Variants in ALDH16A1 observed in about 807,000 individuals in gnomAD.
The protein encoded by ALDH16A1 is aldehyde dehydrogenase 16 family member A1, also known as aldehyde dehydrogenase family 16 member A1.
ALDH16A1 carries 88 observed loss-of-function variants against 96.1 expected under a neutral mutation model. The ratio of observed to expected loss-of-function variants is 0.92; its 90% CI spans 0.77 to 1.09. The LOEUF (loss-of-function observed/expected upper bound fraction) is 1.09, where lower values mean the gene tolerates loss of function less well. Among genes scored for constraint, ALDH16A1 ranks in the 50% least tolerant of loss-of-function variants. The pLI is 0.00. For synonymous variants in ALDH16A1, 522 were observed against 496.4 expected, an observed-to-expected ratio of 1.05 and a Z score of -0.69; for missense variants, 1,250 against 1,112.6, an observed-to-expected ratio of 1.12 and a Z score of -1.76.
At chr19:49,464,292 C>T (rs765074520) in intron 10 of ALDH16A1, 29 bp downstream of exon 10, 4 of 1,595,828 alleles carry the variant, frequency 2.5e-6, no homozygotes, top group Non-Finnish European at 3.4e-6. Flanking sequence ...GGCGCTCACT[C>T]CTCTCCTCAT....
intron 7 of ALDH16A1, among the ~76,000 whole-genome samples, 153 bp downstream of exon 7, chr19:49,462,189 G>C (rs949200876): frequency 6.6e-6 from 1 of 151,216 alleles, no homozygotes; most frequent in South Asian, 2.1e-4. Flanking sequence ...CTGGGGTGCA[G>C]CGGCGCGATT....
At position 49,470,372 on chromosome 19, in the gene ALDH16A1, C is replaced by G; in HGVS notation, c.2314C>G (p.Pro772Ala). Residue 772 changes from proline to alanine, a missense_variant, in exon 17 of 17, where the codon CCG becomes GCG. Pro to Ala is a conservative substitution (Grantham distance 27, BLOSUM62 -1). Coordinates refer to ENST00000293350, the MANE Select transcript of ALDH16A1 (RefSeq NM_153329.4). ...LKPVWASRGCPRAWDQEAEGA... is the reference protein window; with the variant it reads ...LKPVWASRGCARAWDQEAEGA... ...ACCGGTGTGGGCGAGCAGGGGCTGC[C>G]CGCGGGCCTGGGACCAGGAGGCCGA... 1 of 1,613,130 alleles carries G rather than the reference C, an allele frequency of 6.2e-7. No individual in the cohort carries two copies. The highest frequency in any genetic ancestry group is 8.5e-7 in the Non-Finnish European group (1 of 1,179,804).
chr19:49,453,512 G>C lies in ALDH16A1; in HGVS notation c.90+91G>C, dbSNP rs1303736874. On this transcript the variant is annotated intron_variant, in intron 1 of 16. Transcript: ENST00000293350. ...GGGAGTCCCGTCATCCACTGCGGTA[G>C]CTCAGCCGCTCCGCCTCTCTTAGTC... 3 of 1,197,998 alleles carry C rather than the reference G, an allele frequency of 2.5e-6. No individual in the cohort carries two copies. The East Asian group carries it at 7.8e-5, about 31-fold the overall frequency. The allele number at this position is 1,197,998 out of a possible 1,614,324, so 74.2% of individuals were successfully genotyped here.
At chr19:49,453,449 C>T (rs769986276) in intron 1 of ALDH16A1, 28 bp downstream of exon 1, 1 of 1,508,642 alleles carries the variant, frequency 6.6e-7, no homozygotes, top group Non-Finnish European at 8.9e-7. Context: ...CGGCGCTGCT[C>T]GCTGCGTTCC....
At position 49,470,500 on chromosome 19, in the gene ALDH16A1, C is replaced by G; in HGVS notation, c.*33C>G. ...GCGCCACCTACTGCATTTTGGACAC[C>G]TCACACCAAGGGGAGATGCACCCCA... On this transcript the variant is annotated 3_prime_UTR_variant, in exon 17 of 17. Transcript: ENST00000293350. The G allele has an allele frequency of 6.7e-7, 1 of 1,492,808 alleles. No homozygotes were observed. Among genetic ancestry groups the G allele is most frequent in the Non-Finnish European group, 8.9e-7 (1 of 1,122,714 alleles). The allele number at this position is 1,492,808 out of a possible 1,614,324, so 92.5% of individuals were successfully genotyped here. A position where few individuals can be genotyped will look rare whatever the true frequency, so the allele number is the denominator to read the frequency against.
chr19:49,470,400 G>A lies in ALDH16A1; in HGVS notation c.2342G>A (p.Gly781Glu), dbSNP rs2079235825. ...CGGGCCTGGGACCAGGAGGCCGAGGGGGCAGGCCCAGAGCTGGGGCTGCGA... is the reference window on the plus strand; with the variant it reads ...CGGGCCTGGGACCAGGAGGCCGAGGAGGCAGGCCCAGAGCTGGGGCTGCGA... ...CPRAWDQEAEGAGPELGLRVA... is the reference protein window; with the variant it reads ...CPRAWDQEAEEAGPELGLRVA... The change falls in exon 17 of 17, where the codon GGG becomes GAG. Residue 781 changes from glycine (G) to glutamate (E), a missense_variant. Coordinates refer to ENST00000293350, the MANE Select transcript of ALDH16A1 (RefSeq NM_153329.4). 1 of 1,611,774 alleles carries A rather than the reference G, an allele frequency of 6.2e-7. No homozygotes were observed. The highest frequency in any genetic ancestry group is 1.3e-5 in the African/African-American group (1 of 74,820).
chr19:49,468,552 C>T lies in ALDH16A1; in HGVS notation c.2110C>T (p.Leu704=). ...CAGTGCGGCCTGTCCTCTGCTGGCC[C>T]TGGAGGTCTGCCAGGTATAGCCCCC... ...VPSAACPLLA[L]EVCQDMATVF... is the part of the protein sequence containing the mutation. Residue 704 remains leucine (L), a synonymous_variant, in exon 15 of 17, where the codon CTG becomes TTG. Transcript: ENST00000293350. This position sits in a 1 kb window ranked among gnomAD's most constrained non-coding sequence, Gnocchi z 4.4. 1 of 1,604,290 alleles carries T rather than the reference C, an allele frequency of 6.2e-7. No homozygotes were observed. Among genetic ancestry groups the T allele is most frequent in the South Asian group, 1.1e-5 (1 of 91,062 alleles).
chr19:49,469,202 TC>T, intron 16 of ALDH16A1: 1 of 561,926 alleles, frequency 1.8e-6, no homozygotes, highest in Non-Finnish European at 2.9e-6. Context: ...CCCAAAGACC[TC>T]GTCTCAGGGG....
chr19:49,464,281 G>C lies in ALDH16A1; in HGVS notation c.1331+18G>C, dbSNP rs371448117. 1.3e-6 allele frequency: 2 copies of C among 1,598,594 alleles called. No individual in the cohort carries two copies. Among genetic ancestry groups the C allele is most frequent in the Admixed American group, 1.7e-5 (1 of 59,652 alleles). On this transcript the variant is annotated intron_variant, in intron 10 of 16. Transcript: ENST00000293350. ...GGCTATGGGTCAGTCTGCGTGGCCCGGGCGCTCACTCCTCTCCTCATTCTT... is the reference window on the plus strand; with the variant it reads ...GGCTATGGGTCAGTCTGCGTGGCCCCGGCGCTCACTCCTCTCCTCATTCTT...
intron 12 of ALDH16A1, among the ~76,000 whole-genome samples, chr19:49,465,310 T>G (rs2946854): frequency 1.4e-5 from 2 of 138,840 alleles, no homozygotes; most frequent in African/African-American, 5.5e-5. Flanking sequence ...CCCACAGGCT[T>G]ATGAGAGCAG....
At chr19:49,470,254 G>A in intron 16 of ALDH16A1, 52 bp from the exon 17 acceptor site, 1 of 1,601,932 alleles carries the variant, frequency 6.2e-7, no homozygotes, top group African/African-American at 1.3e-5. Context: ...GGAAGCAGGT[G>A]CTCAGCAACA....
At chr19:49,466,549 G>A (rs1241294337) in intron 14 of ALDH16A1, among the ~76,000 whole-genome samples, 2 of 152,156 alleles carry the variant, frequency 1.3e-5, no homozygotes, top group Admixed American at 6.6e-5. Context: ...TGGGCTGTTA[G>A]GCGGTTCTCA....
chr19:49,470,283 C>A (rs757205350), intron 16 of ALDH16A1, 23 bp from the exon 17 acceptor site: 2 of 1,612,112 alleles, frequency 1.2e-6, no homozygotes, highest in African/African-American at 1.3e-5. Flanking sequence ...GAAGTGCTTA[C>A]CCCCGTCTCT....
rs2079151808 is a variant in ALDH16A1 at position 49,461,892 on chromosome 19, T to C, written c.768T>C (p.Arg256=). The C allele has an allele frequency of 1.3e-6, 2 of 1,585,696 alleles. No individual in the cohort carries two copies. The highest frequency in any genetic ancestry group is 1.7e-6 in the Non-Finnish European group (2 of 1,166,474). ...VAFCGAPEEG[R]ALRRSLAGEC... is the part of the protein sequence containing the mutation. ...CTGGGGGGGGTCCCTAGGAAGGGCG[T>C]GCCCTTCGACGGAGCCTGGCGGGAG... The change falls in exon 7 of 17, where the codon CGT becomes CGC. Residue 256 remains arginine, a synonymous_variant. Transcript: ENST00000293350.
Position 49,459,651 on chromosome 19 carries a change from C to A in ALDH16A1, c.321-19C>A. 6.3e-7 allele frequency: 1 copy of A among 1,592,904 alleles called. No homozygotes were observed. Reference sequence around the variant, plus strand: ...CTGAGGGCCGTTGGAAAATGAGCACCCTCTTGCTTTCTCGACAGGCTGGCC... The same window carrying A: ...CTGAGGGCCGTTGGAAAATGAGCACACTCTTGCTTTCTCGACAGGCTGGCC... On this transcript the variant is annotated intron_variant, in intron 3 of 16. Coordinates refer to ENST00000293350, the MANE Select transcript of ALDH16A1 (RefSeq NM_153329.4). The surrounding 1 kb of genome is among the most constrained non-coding windows in gnomAD (Gnocchi z 4.1).
In ALDH16A1 at chr19:49,464,484, T is replaced by C. The variant is rs767457200; in HGVS notation, c.1399T>C (p.Cys467Arg). Residue 467 changes from cysteine to arginine, a missense_variant, in exon 11 of 17, where the codon TGC (cysteine) becomes CGC (arginine). Transcript: ENST00000293350. ...AGACCCTTCGGTGCCCACAGGCGGC[T>C]GCAAGGAGAGTGGGTGTTCCTGGCA... ...LRDPSVPTGG[C>R]KESGCSWHGG... is the part of the protein sequence containing the mutation. 4 of 1,613,532 alleles carry C rather than the reference T, an allele frequency of 2.5e-6. No homozygotes were observed. In the South Asian group the frequency reaches 4.4e-5, roughly 18 times the overall value.
In ALDH16A1 at chr19:49,464,515, G is replaced by T. The variant is rs779475910; in HGVS notation, c.1430G>T (p.Gly477Val). Residue 477 changes from glycine (G) to valine (V), a missense_variant, in exon 11 of 17, where the codon GGC (glycine) becomes GTC (valine). Coordinates refer to ENST00000293350, the MANE Select transcript of ALDH16A1 (RefSeq NM_153329.4). ...GAGAGTGGGTGTTCCTGGCACGGGG[G>T]CCCAGACGTGAGTACATCCCCTCCC... ...CKESGCSWHG[G>V]PDGLYEYLRP... 2 of 1,613,796 alleles carry T rather than the reference G, an allele frequency of 1.2e-6. No individual in the cohort carries two copies. Among genetic ancestry groups the T allele is most frequent in the Non-Finnish European group, 1.7e-6 (2 of 1,179,946 alleles).
At chr19:49,457,322 C>T (rs973182571) in intron 1 of ALDH16A1, among the ~76,000 whole-genome samples, 35 of 151,596 alleles carry the variant, frequency 2.3e-4, no homozygotes, top group Non-Finnish European at 4.4e-4. Context: ...CCGAGGCGGG[C>T]GGATCACGAG....
Position 49,464,254 on chromosome 19 carries a change from T to G in ALDH16A1, c.1322T>G (p.Leu441Arg). ...GAGAGGCTGGGGCAGGCGCTGGAGC[T>G]GGGCTATGGGTCAGTCTGCGTGGCC... Reference protein sequence around the residue: ...WSERLGQALELGYGLQVGTVW... With the variant: ...WSERLGQALERGYGLQVGTVW... The change falls in exon 10 of 17, where the codon CTG becomes CGG. Residue 441 changes from leucine to arginine, a missense_variant. Leu to Arg is a moderately radical substitution (Grantham distance 102, BLOSUM62 -2). Transcript: ENST00000293350. 1.9e-6 allele frequency: 3 copies of G among 1,602,336 alleles called. No homozygotes were observed. Among genetic ancestry groups the G allele is most frequent in the Non-Finnish European group, 2.5e-6 (3 of 1,179,330 alleles).
Sources: gnomAD v4.1 joint callset for allele counts (sites outside exome capture counted in the v4.1 genomes callset) on GRCh38, gnomAD v4.1.1 for gene constraint, Gnocchi (gnomAD v3.1) non-coding constraint, MANE v1.5 for transcripts, NCBI Gene and HGNC (gene_info 2026-07-23, HGNC 2026-07-21) for gene names.